Variants in GPHN observed in about 807,000 individuals in gnomAD.
GPHN encodes gephyrin.
GPHN carries 17 observed loss-of-function variants against 95.5 expected under a neutral mutation model. The ratio of observed to expected loss-of-function variants is 0.18; its 90% CI spans 0.12 to 0.27. The LOEUF (loss-of-function observed/expected upper bound fraction) is 0.27. Among genes scored for constraint, GPHN ranks in the 10% least tolerant of loss-of-function variants. The pLI, the probability that GPHN is intolerant of heterozygous loss-of-function variation, is 1.00. For missense variants in GPHN, 660 were observed against 978.1 expected, an observed-to-expected ratio of 0.67 and a Z score of 4.34; for synonymous variants, 320 against 322.5, an observed-to-expected ratio of 0.99 and a Z score of 0.08.
chr14:66,654,211 G>C (rs922886159), intron 1 of GPHN, among the ~76,000 whole-genome samples: 4 of 151,962 alleles, frequency 2.6e-5, no homozygotes, highest in African/African-American at 7.3e-5. Flanking sequence ...GCAGTGGCAC[G>C]TGTGACTCAG....
rs565644488 is a variant in GPHN at position 67,000,456 on chromosome 14, C to G, written c.964-23177C>G. ...AGATTCTATACTGTGAGATAATCAC[C>G]TAAGATGTTCTACTATATAAAATCT... On this transcript the variant is annotated intron_variant, in intron 9 of 22. Transcript: ENST00000478722. 3.3e-5 allele frequency among the ~76,000 whole-genome samples: 5 copies of G among 151,666 alleles called. No homozygotes were observed. The East Asian group carries it at 9.6e-4, about 29-fold the overall frequency.
chr14:67,047,349 T>TGTGTGG (rs1200489685), intron 10 of GPHN, among the ~76,000 whole-genome samples: 1 of 140,466 alleles, frequency 7.1e-6, no homozygotes, highest in East Asian at 2.0e-4. Flanking sequence ...TGTGTGTGTG[T>TGTGTGG]GTGTGTGTGT....
intron 2 of GPHN, among the ~76,000 whole-genome samples, chr14:66,711,502 C>G (rs571896844): frequency 6.6e-6 from 1 of 151,724 alleles, no homozygotes; most frequent in East Asian, 1.9e-4. Context: ...CATAAACATG[C>G]GTGTCCAAGT....
chr14:67,463,832 C>A, the GPHN span, among the ~76,000 whole-genome samples: 4 of 152,076 alleles, frequency 2.6e-5, no homozygotes, highest in Non-Finnish European at 5.9e-5. Context: ...AGTCTCTTGT[C>A]CAAAGTCATA....
the GPHN span, among the ~76,000 whole-genome samples, chr14:67,230,406 C>T: frequency 6.6e-6 from 1 of 151,886 alleles, no homozygotes. Context: ...AAAGTGATAC[C>T]CTGTCTCCAC....
intron 18 of GPHN, among the ~76,000 whole-genome samples, chr14:67,144,248 AAAAT>A (rs1156999227): frequency 5.3e-4 from 33 of 62,580 alleles, no homozygotes; most frequent in Middle Eastern, 8.1e-3. Context: ...AAAAAAAAAA[AAAAT>A]ATATATATAT....
At chr14:67,648,311 C>A in the GPHN span, 4 of 1,087,454 alleles carry the variant, frequency 3.7e-6, no homozygotes, top group African/African-American at 4.8e-5. Context: ...ACTTTTGTAG[C>A]TAAAAATTAT....
the GPHN span, among the ~76,000 whole-genome samples, chr14:67,419,883 C>T: frequency 6.6e-6 from 1 of 152,076 alleles, no homozygotes; most frequent in African/African-American, 2.4e-5. Flanking sequence ...TTCGCTAAGC[C>T]ACATGGCAGT....
intron 1 of GPHN, among the ~76,000 whole-genome samples, chr14:66,544,585 T>C (rs565579737): frequency 9.9e-5 from 15 of 152,054 alleles, no homozygotes; most frequent in Non-Finnish European, 1.8e-4. Flanking sequence ...TTTCTTTTTT[T>C]TTTTTTAATT....
At chr14:67,286,685 A>C in the GPHN span, among the ~76,000 whole-genome samples, 1 of 149,056 alleles carries the variant, frequency 6.7e-6, no homozygotes, top group Non-Finnish European at 1.5e-5. Flanking sequence ...GTGAAACTCC[A>C]TCTCTACCAA....
At chr14:66,711,721 C>G (rs997863490) in intron 2 of GPHN, among the ~76,000 whole-genome samples, 6 of 151,636 alleles carry the variant, frequency 4.0e-5, no homozygotes, top group African/African-American at 1.5e-4. Flanking sequence ...AGTATTTCTC[C>G]TAATGCTATC....
the GPHN span, among the ~76,000 whole-genome samples, chr14:67,644,662 G>A: frequency 6.6e-6 from 1 of 152,260 alleles, no homozygotes; most frequent in Non-Finnish European, 1.5e-5. Flanking sequence ...TGTAAGCAGA[G>A]CCCAAGGACA....
At chr14:67,286,635 C>T in the GPHN span, among the ~76,000 whole-genome samples, 1 of 151,304 alleles carries the variant, frequency 6.6e-6, no homozygotes. Context: ...GTGGGTGGAT[C>T]GCTTGAGCTC....
intron 2 of GPHN, among the ~76,000 whole-genome samples, chr14:66,755,537 T>C (rs116843623): frequency 0.012 from 1,826 of 152,276 alleles, 19 homozygotes; most frequent in Non-Finnish European, 0.018. Flanking sequence ...TCTGTAGAGC[T>C]ATTTAACTAC....
rs117813613 is a variant in GPHN at position 66,628,307 on chromosome 14, A to C, written c.65-52800A>C. 1.2e-3 allele frequency among the ~76,000 whole-genome samples: 187 copies of C among 152,290 alleles called. 1 individual carries two copies. The highest frequency in any genetic ancestry group is 2.3e-3 in the Non-Finnish European group (157 of 68,020). On this transcript the variant is annotated intron_variant, in intron 1 of 22. Coordinates refer to ENST00000478722, the MANE Select transcript of GPHN (RefSeq NM_020806.5). ...TTTACAAACATCATGAAATATGCTT[A>C]CACAAACCTAGGTGGTATAGCCTAC...
the GPHN span, among the ~76,000 whole-genome samples, chr14:67,235,415 C>T: frequency 7.6e-3 from 1,150 of 152,128 alleles, 13 homozygotes; most frequent in African/African-American, 0.026. Flanking sequence ...CATCCTCTCT[C>T]GGAAATAAAA....
the GPHN span, chr14:67,441,860 G>A: frequency 6.5e-6 from 1 of 152,868 alleles, no homozygotes; most frequent in African/African-American, 2.4e-5. Flanking sequence ...AGCTTGCCAA[G>A]TGCGGATCAT....
At chr14:67,336,728 A>G in the GPHN span, 1 of 456,028 alleles carries the variant, frequency 2.2e-6, no homozygotes, top group Admixed American at 2.3e-5. Context: ...TAGAATTTAC[A>G]GTTCAGCAGG....
At chr14:66,566,675 G>A (rs2060474132) in intron 1 of GPHN, among the ~76,000 whole-genome samples, 1 of 152,066 alleles carries the variant, frequency 6.6e-6, no homozygotes, top group Non-Finnish European at 1.5e-5. Flanking sequence ...ATTTTTGTTT[G>A]TTGGTTTGTT....
Sources: gnomAD v4.1 joint callset for allele counts (sites outside exome capture counted in the v4.1 genomes callset) on GRCh38, gnomAD v4.1.1 for gene constraint, MANE v1.5 for transcripts, NCBI Gene and HGNC (gene_info 2026-07-23, HGNC 2026-07-21) for gene names.